The following ZNF16 variants were observed in gnomAD, a reference collection of about 807,000 sequenced individuals.
ZNF16 encodes zinc finger protein KOX9.
Under a neutral mutation model 9.0 loss-of-function variants are expected in ZNF16, and 7 were observed. The observed-to-expected ratio is 0.78, with a 90% CI of 0.44 to 1.47. The LOEUF (loss-of-function observed/expected upper bound fraction) is 1.47, where lower values mean the gene tolerates loss of function less well. ZNF16 is among the 40% of genes most tolerant of loss of function. The probability of loss-of-function intolerance (pLI) is 0.01; values close to 1 mark genes in which losing one functional copy is unlikely to be tolerated. For missense variants in ZNF16, 830 were observed against 854.2 expected, an observed-to-expected ratio of 0.97 and a Z score of 0.35; for synonymous variants, 312 against 301.5, an observed-to-expected ratio of 1.03 and a Z score of -0.36.
chr8:144,935,840 A>G (rs987971280), intron 2 of ZNF16, among the ~76,000 whole-genome samples: 2 of 152,206 alleles, frequency 1.3e-5, no homozygotes, highest in African/African-American at 4.8e-5. Context: ...TGTGTGTTGG[A>G]CAAACCCCAG....
intron 2 of ZNF16, among the ~76,000 whole-genome samples, chr8:144,941,131 TTC>T (rs1833787629): frequency 6.6e-6 from 1 of 152,242 alleles, no homozygotes. Flanking sequence ...CTTAGTGATC[TTC>T]TGTCTAGATG....
rs192606132 is a variant in ZNF16, at chr8:144,950,125, T to C, written c.-10+672A>G. On this transcript the variant is annotated intron_variant, in intron 1 of 2. Coordinates refer to ENST00000394909, the MANE Select transcript of ZNF16 (RefSeq NM_006958.3). ...TGGGTGGAGAGAAACAAATCTGGCC[T>C]ACGTGCCCATCCAGGCATAGTACCT... Among the ~76,000 whole-genome samples, 862 of 152,256 alleles carry C rather than the reference T, an allele frequency of 5.7e-3. 8 individuals carry two copies. Among genetic ancestry groups the C allele is most frequent in the African/African-American group, 0.019 (793 of 41,528 alleles).
intron 1 of ZNF16, among the ~76,000 whole-genome samples, chr8:144,950,150 T>A (rs1834068618): frequency 6.6e-6 from 1 of 152,122 alleles, no homozygotes; most frequent in Non-Finnish European, 1.5e-5. Context: ...GCATAGTACC[T>A]CCCCTTAAAC....
At position 144,931,908 on chromosome 8, in the gene ZNF16, A is replaced by G; in HGVS notation, c.879T>C (p.Tyr293=). The G allele has an allele frequency of 6.2e-7, 1 of 1,614,210 alleles. No individual in the cohort carries two copies. The highest frequency in any genetic ancestry group is 8.5e-7 in the Non-Finnish European group (1 of 1,180,044). ...HQSHHSSERP[Y]MCNECGKAFS... ...AGGCTTTTCCACATTCATTACACAT[A>G]TAAGGCCTCTCACTGCTGTGGTGAC... The change falls in exon 3 of 3, where the codon TAT becomes TAC. Residue 293 remains tyrosine, a synonymous_variant. Coordinates refer to ENST00000394909, the MANE Select transcript of ZNF16 (RefSeq NM_006958.3).
At chr8:144,947,032 T>C (rs535403662) in intron 1 of ZNF16, among the ~76,000 whole-genome samples, 8 of 125,808 alleles carry the variant, frequency 6.4e-5, no homozygotes, top group African/African-American at 2.4e-4. Context: ...CTGTTGGGCC[T>C]GTGTCCTGCT....
intron 2 of ZNF16, 143 bp downstream of exon 2, chr8:144,945,868 C>T (rs1489991514): frequency 7.0e-7 from 1 of 1,427,488 alleles, no homozygotes; most frequent in African/African-American, 1.4e-5. Context: ...TTGCTGACAT[C>T]CAGCCTTGGC....
intron 1 of ZNF16, 77 bp downstream of exon 1, chr8:144,950,720 C>T (rs1174038299): frequency 6.6e-6 from 1 of 152,010 alleles, no homozygotes; most frequent in African/African-American, 2.4e-5. Context: ...CCTGAGAGGC[C>T]CCTGGGCCCC....
Position 144,932,710 on chromosome 8 carries a change from G to T in ZNF16, c.197-120C>A. 9.5e-7 allele frequency: 1 copy of T among 1,055,416 alleles called. No individual in the cohort carries two copies. The highest frequency in any genetic ancestry group is 1.5e-5 in the South Asian group (1 of 64,816). 65.4% of individuals were successfully genotyped at this position (1,055,416 alleles called of 1,614,324 possible). ...GCAAGGGGAGCAGGGGATCCTCTGG[G>T]GTGGCAGTCCAGATCAGAGGGCATC... On this transcript the variant is annotated intron_variant, in intron 2 of 2. Transcript: ENST00000394909. The surrounding 1 kb of genome is among the most constrained non-coding windows in gnomAD (Gnocchi z 5.0).
chr8:144,949,358 C>T (rs1834036085), intron 1 of ZNF16, among the ~76,000 whole-genome samples: 1 of 152,246 alleles, frequency 6.6e-6, no homozygotes, highest in Non-Finnish European at 1.5e-5. Context: ...CTGCTCAGTG[C>T]ATCTCTGACT....
chr8:144,932,193 A>C lies in ZNF16; in HGVS notation c.594T>G (p.Gly198=), dbSNP rs1231236822. The C allele has an allele frequency of 6.2e-7, 1 of 1,614,144 alleles. No homozygotes were observed. Among genetic ancestry groups the C allele is most frequent in the Admixed American group, 1.7e-5 (1 of 60,008 alleles). Residue 198 remains glycine, a synonymous_variant, in exon 3 of 3, where the codon GGT becomes GGG. Transcript: ENST00000394909. This position sits in a 1 kb window ranked among gnomAD's most constrained non-coding sequence, Gnocchi z 5.0. ...QSFQHSVDLT[G]HEGVPTAESP... ...TTTCAGCTGTGGGAACCCCCTCATG[A>C]CCAGTTAGGTCCACACTGTGCTGGA...
Position 144,937,841 on chromosome 8 carries a change from A to AT in ZNF16, c.197-5252dup, listed in dbSNP as rs1450795081. On this transcript the variant is annotated intron_variant, in intron 2 of 2. Transcript: ENST00000394909. The stretch of plus-strand genomic sequence containing the variant: ...ACACAACTGGCTATTTTTTTTTTGT[A>AT]TTTTTTTGTAGAGACAGAGTCTTGC... 8.0e-5 allele frequency among the ~76,000 whole-genome samples: 12 copies of AT among 149,852 alleles called. No homozygotes were observed. In the East Asian group the frequency reaches 2.0e-3, roughly 25 times the overall value.
chr8:144,946,518 T>TCTGTACCCTGCTGTGGGC (rs1266963481), intron 1 of ZNF16, among the ~76,000 whole-genome samples: 9 of 139,984 alleles, frequency 6.4e-5, no homozygotes, highest in African/African-American at 2.1e-4. Context: ...CCCCACAGGG[T>TCTGTACCCTGCTGTGGGC]CTGTGTCCTG....
At position 144,946,063 on chromosome 8, in the gene ZNF16, G is replaced by A; in HGVS notation, c.144C>T (p.Pro48=). The A allele has an allele frequency of 2.5e-6, 4 of 1,613,572 alleles. No homozygotes were observed. The highest frequency in any genetic ancestry group is 3.3e-5 in the Admixed American group (2 of 60,006). ...CTTCCAGCTCAGTATCACTACAGCA[G>A]GGGGTACCACAGGCTGCAGATCCAG... is the stretch of plus-strand genomic sequence containing the variant. ...THPGSAACGT[P]CCSDTELEAI... The change falls in exon 2 of 3, where the codon CCC becomes CCT. Residue 48 remains proline, a synonymous_variant. Transcript: ENST00000394909.
rs752252639 is a variant in ZNF16 at position 144,932,279 on chromosome 8, C to A, written c.508G>T (p.Ala170Ser). 9 of 1,614,072 alleles carry A rather than the reference C, an allele frequency of 5.6e-6. No individual in the cohort carries two copies. Among genetic ancestry groups the A allele is most frequent in the Non-Finnish European group, 7.6e-6 (9 of 1,180,052 alleles). ...SRFSLSPNLM[A>S]CQEIPTEERP... ...TCTTCTGTAGGGATTTCCTGACATG[C>A]CATCAGGTTTGGGCTCAGACTGAAG... The change falls in exon 3 of 3, where the codon GCA becomes TCA. Residue 170 changes from alanine (A) to serine (S), a missense_variant. Coordinates refer to ENST00000394909, the MANE Select transcript of ZNF16 (RefSeq NM_006958.3). This position sits in a 1 kb window ranked among gnomAD's most constrained non-coding sequence, Gnocchi z 5.0.
At chr8:144,949,848 C>T (rs1191564047) in intron 1 of ZNF16, among the ~76,000 whole-genome samples, 2 of 152,184 alleles carry the variant, frequency 1.3e-5, no homozygotes, top group African/African-American at 4.8e-5. Context: ...ATGAGAAAGA[C>T]CTGACCGTCC....
intron 2 of ZNF16, among the ~76,000 whole-genome samples, chr8:144,936,750 A>G (rs1485239176): frequency 1.4e-5 from 2 of 147,586 alleles, no homozygotes; most frequent in Non-Finnish European, 2.9e-5. Context: ...TTTATGAGAC[A>G]GAGTCTTGCT....
intron 2 of ZNF16, among the ~76,000 whole-genome samples, chr8:144,940,025 CTCT>C (rs1049207207): frequency 5.3e-5 from 8 of 151,934 alleles, no homozygotes; most frequent in Non-Finnish European, 1.0e-4. Flanking sequence ...ATTTTATTTG[CTCT>C]TCTTTTATAG....
intron 1 of ZNF16, among the ~76,000 whole-genome samples, chr8:144,947,724 T>C (rs1032525987): frequency 1.3e-4 from 20 of 152,198 alleles, no homozygotes; most frequent in Non-Finnish European, 1.5e-5. Flanking sequence ...GCCACCAACT[T>C]CCTTGGTGAT....
chr8:144,947,616 C>T (rs7011897), intron 1 of ZNF16, among the ~76,000 whole-genome samples: 55,876 of 152,024 alleles, frequency 0.37, 11,951 homozygotes, highest in African/African-American at 0.6. Flanking sequence ...CCTGGCAGCA[C>T]CCACAGCAGG....
Sources: gnomAD v4.1 joint callset for allele counts (sites outside exome capture counted in the v4.1 genomes callset) on GRCh38, gnomAD v4.1.1 for gene constraint, Gnocchi (gnomAD v3.1) non-coding constraint, MANE v1.5 for transcripts, NCBI Gene and HGNC (gene_info 2026-07-23, HGNC 2026-07-21) for gene names.